ZNF407: variants seen among roughly 807,000 people sequenced by gnomAD.
ZNF407 encodes zinc finger protein 407.
ZNF407 carries 17 observed loss-of-function variants against 131.2 expected under a neutral mutation model. The ratio of observed to expected loss-of-function variants is 0.13; its 90% CI spans 0.09 to 0.19. The LOEUF is 0.19. Among genes scored for constraint, ZNF407 ranks in the 10% least tolerant of loss-of-function variants. ZNF407 has a pLI of 1.00. For synonymous variants in ZNF407, 1,156 were observed against 1,062.0 expected (o/e 1.09, Z -1.72); for missense variants, 2,681 against 2,830.6 (o/e 0.95, Z 1.20).
At chr18:74,868,767 A>C (rs1437891771) in intron 4 of ZNF407, among the ~76,000 whole-genome samples, 1 of 152,116 alleles carries the variant, frequency 6.6e-6, no homozygotes, top group Non-Finnish European at 1.5e-5. Context: ...CAACTATTTC[A>C]ATCTATGTGT....
At chr18:74,742,843 T>C (rs796304693) in intron 3 of ZNF407, among the ~76,000 whole-genome samples, 11 of 152,142 alleles carry the variant, frequency 7.2e-5, no homozygotes, top group African/African-American at 2.7e-4. Context: ...ACAATGTGGT[T>C]ACCTTGTGCA....
intron 1 of ZNF407, among the ~76,000 whole-genome samples, chr18:74,603,131 A>G (rs1982655129): frequency 6.6e-6 from 1 of 152,220 alleles, no homozygotes; most frequent in South Asian, 2.1e-4. Context: ...GGAGCCAGTA[A>G]TAGGTTCATG....
chr18:74,788,851 A>G (rs1051394894), intron 4 of ZNF407, among the ~76,000 whole-genome samples: 15 of 150,184 alleles, frequency 1.0e-4, no homozygotes, highest in African/African-American at 3.4e-4. Flanking sequence ...AATAAACTTG[A>G]ATATTATATA....
chr18:74,798,899 T>C (rs1385343370), intron 4 of ZNF407, among the ~76,000 whole-genome samples: 1 of 152,132 alleles, frequency 6.6e-6, no homozygotes, highest in Non-Finnish European at 1.5e-5. Context: ...AGATTTATAA[T>C]AGTGTTGATG....
chr18:74,801,701 ATGG>A (rs1157699442), intron 4 of ZNF407, among the ~76,000 whole-genome samples: 1 of 152,184 alleles, frequency 6.6e-6, no homozygotes, highest in African/African-American at 2.4e-5. Context: ...TGATAGCTGT[ATGG>A]TATATAGAAG....
chr18:74,682,981 A>G (rs1380692946), intron 3 of ZNF407, among the ~76,000 whole-genome samples: 4 of 152,120 alleles, frequency 2.6e-5, no homozygotes, highest in Admixed American at 6.6e-5. Context: ...TTTTGAGTGG[A>G]TGGTGCTGGG....
intron 4 of ZNF407, among the ~76,000 whole-genome samples, chr18:74,843,748 G>A (rs2145134870): frequency 6.6e-6 from 1 of 152,162 alleles, no homozygotes; most frequent in Non-Finnish European, 1.5e-5. Context: ...AATATGTATT[G>A]AATTTATCAA....
chr18:74,632,283 G>C lies in ZNF407; in HGVS notation c.1264G>C (p.Val422Leu), dbSNP rs772796599. 8.7e-6 allele frequency: 14 copies of C among 1,613,924 alleles called. No individual in the cohort carries two copies. Among genetic ancestry groups the C allele is most frequent in the Non-Finnish European group, 1.2e-5 (14 of 1,179,898 alleles). Reference protein sequence around the residue: ...SRPRPERNILVLGNSFRRRSS... With the variant: ...SRPRPERNILLLGNSFRRRSS... ...GCCAAGACCTGAGCGAAATATTCTC[G>C]TGTTGGGTAATAGCTTTCGTCGACG... is the stretch of plus-strand genomic sequence containing the variant. Residue 422 changes from valine (V) to leucine (L), a missense_variant, in exon 2 of 9, where the codon GTG becomes CTG. Val to Leu is a conservative substitution (Grantham distance 32, BLOSUM62 1). This residue lies in a region of ZNF407 where 1,789 missense variants were observed against 1,748.7 expected (regional missense o/e 1.02). Coordinates refer to ENST00000299687, the MANE Select transcript of ZNF407 (RefSeq NM_017757.3).
At chr18:74,807,665 A>G (rs1041863487) in intron 4 of ZNF407, among the ~76,000 whole-genome samples, 1 of 152,214 alleles carries the variant, frequency 6.6e-6, no homozygotes, top group Admixed American at 6.5e-5. Context: ...TGTTAACACC[A>G]TGATGATTTG....
At chr18:74,996,637 T>C (rs1372973937) in intron 8 of ZNF407, among the ~76,000 whole-genome samples, 1 of 152,176 alleles carries the variant, frequency 6.6e-6, no homozygotes, top group African/African-American at 2.4e-5. Context: ...CTTCTGCTGA[T>C]GAAGAAAATG....
chr18:75,038,587 T>A (rs1427432141), intron 8 of ZNF407, among the ~76,000 whole-genome samples: 1 of 152,178 alleles, frequency 6.6e-6, no homozygotes, highest in Non-Finnish European at 1.5e-5. Flanking sequence ...GAAAAGGTGA[T>A]ACTGTGTAAA....
Position 74,630,856 on chromosome 18 carries a change from T to C in ZNF407, c.-53-111T>C, listed in dbSNP as rs537887061. On this transcript the variant is annotated intron_variant, in intron 1 of 8. Transcript: ENST00000299687. ...AGACATGTAATCAAATTCATCTCAG[T>C]ATAAAGGGTGTTTCATTGGGGCTAA... The C allele has an allele frequency of 3.9e-6, 3 of 764,432 alleles. No homozygotes were observed. The African/African-American group carries it at 5.3e-5, about 13-fold the overall frequency. 47.4% of individuals were successfully genotyped at this position (764,432 alleles called of 1,614,324 possible).
At chr18:74,842,118 G>A (rs540147587) in intron 4 of ZNF407, among the ~76,000 whole-genome samples, 2 of 152,250 alleles carry the variant, frequency 1.3e-5, no homozygotes, top group East Asian at 3.9e-4. Context: ...TTTTGGAAAG[G>A]TTGCCTAAGA....
At chr18:75,058,298 T>C (rs147749906) in intron 8 of ZNF407, among the ~76,000 whole-genome samples, 11 of 152,302 alleles carry the variant, frequency 7.2e-5, no homozygotes, top group African/African-American at 2.4e-4. Flanking sequence ...CCCCAGTAAC[T>C]ACCTTTTTAT....
chr18:74,932,216 CAT>C (rs1361081035), intron 8 of ZNF407, among the ~76,000 whole-genome samples: 4 of 152,142 alleles, frequency 2.6e-5, no homozygotes, highest in Non-Finnish European at 5.9e-5. Flanking sequence ...TTTTGTATAA[CAT>C]ATAAGGTGTA....
intron 8 of ZNF407, among the ~76,000 whole-genome samples, chr18:75,013,733 C>T (rs916373459): frequency 3.3e-5 from 5 of 152,076 alleles, no homozygotes; most frequent in African/African-American, 9.6e-5. Context: ...ACCATGGTAC[C>T]CCTGAAGAGC....
At chr18:74,649,294 A>G (rs1985118762) in intron 3 of ZNF407, among the ~76,000 whole-genome samples, 1 of 152,202 alleles carries the variant, frequency 6.6e-6, no homozygotes, top group Non-Finnish European at 1.5e-5. Flanking sequence ...ACATGTGTTA[A>G]TGGGGTACTG....
chr18:74,818,452 A>AT, intron 4 of ZNF407, among the ~76,000 whole-genome samples: 1 of 152,258 alleles, frequency 6.6e-6, no homozygotes, highest in Non-Finnish European at 1.5e-5. Flanking sequence ...ACCTACATAT[A>AT]TTACACATGC....
chr18:74,869,845 T>C (rs1971062972), intron 4 of ZNF407, among the ~76,000 whole-genome samples: 1 of 152,194 alleles, frequency 6.6e-6, no homozygotes, highest in Non-Finnish European at 1.5e-5. Flanking sequence ...GTTGAAAATA[T>C]TTACTATCTG....
Sources: gnomAD v4.1 joint callset for allele counts (sites outside exome capture counted in the v4.1 genomes callset) on GRCh38, gnomAD v4.1.1 for gene constraint, gnomAD v4.1.1 regional missense constraint, MANE v1.5 for transcripts, NCBI Gene and HGNC (gene_info 2026-07-23, HGNC 2026-07-21) for gene names.